Variants in DMGDH observed in about 807,000 individuals in gnomAD.
DMGDH encodes dimethylglycine dehydrogenase, mitochondrial.
A neutral mutation model predicts 95.2 loss-of-function variants in DMGDH; 76 were observed. The observed-to-expected ratio is 0.80, with a 90% confidence interval of 0.66 to 0.97. The LOEUF (loss-of-function observed/expected upper bound fraction) is 0.97, where lower values mean the gene tolerates loss of function less well. DMGDH is among the 50% of genes least tolerant of loss of function. DMGDH has a pLI of 0.00. For missense variants in DMGDH, 987 were observed against 1,055.0 expected (o/e 0.94, Z 0.89); for synonymous variants, 345 against 377.6 (o/e 0.91, Z 1.00).
intron 13 of DMGDH, among the ~76,000 whole-genome samples, chr5:79,026,188 A>C (rs1159643892): frequency 1.3e-5 from 2 of 152,224 alleles, no homozygotes; most frequent in Admixed American, 6.5e-5. Context: ...ACAGTTATCT[A>C]GGGCTGTCAG....
intron 15 of DMGDH, among the ~76,000 whole-genome samples, chr5:78,999,477 C>T (rs1561203787): frequency 6.6e-6 from 1 of 152,076 alleles, no homozygotes; most frequent in Non-Finnish European, 1.5e-5. Flanking sequence ...ACTACAGGCA[C>T]CCACCACCAC....
At chr5:79,032,052 A>T (rs1262412230) in intron 9 of DMGDH, among the ~76,000 whole-genome samples, 3 of 152,366 alleles carry the variant, frequency 2.0e-5, no homozygotes, top group African/African-American at 7.2e-5. Flanking sequence ...CTAAATTTGC[A>T]ACTTGTTTTC....
chr5:79,044,387 C>A lies in DMGDH; in HGVS notation c.911G>T (p.Arg304Met). ...LEGSYYLRQERDGLLFGPYES... is the reference protein window; with the variant it reads ...LEGSYYLRQEMDGLLFGPYES... ...ATATGGACCAAACAAAAGCCCATCC[C>A]TTTCCTGTCGGAGATAATATGATCC... is the stretch of plus-strand genomic sequence containing the variant. The change falls in exon 6 of 16, where the codon AGG (arginine) becomes ATG (methionine). Residue 304 changes from arginine (R) to methionine (M), a missense_variant. Arg to Met is a moderately conservative substitution (Grantham distance 91). Transcript: ENST00000255189. 6.2e-7 allele frequency: 1 copy of A among 1,614,168 alleles called. No homozygotes were observed. Among genetic ancestry groups the A allele is most frequent in the African/African-American group, 1.3e-5 (1 of 75,056 alleles).
At chr5:79,001,394 C>G (rs1753451344) in intron 15 of DMGDH, among the ~76,000 whole-genome samples, 1 of 152,196 alleles carries the variant, frequency 6.6e-6, no homozygotes, top group African/African-American at 2.4e-5. Flanking sequence ...AACTCCTGAA[C>G]TCAAGTGATC....
chr5:79,004,460 G>A (rs1753508666), intron 15 of DMGDH, among the ~76,000 whole-genome samples: 1 of 152,146 alleles, frequency 6.6e-6, no homozygotes, highest in African/African-American at 2.4e-5. Context: ...TAATGACCAA[G>A]CTGACCCTGT....
In DMGDH at chr5:78,997,854, C is replaced by T; in HGVS notation, c.*228G>A. On this transcript the variant is annotated 3_prime_UTR_variant, in exon 16 of 16. Transcript: ENST00000255189. ...GGGTAATGTGGGGTAAATAAAAAAA[C>T]ATTCATTTCAAATTTCTTCATTTAA... 1 of 557,406 alleles carries T rather than the reference C, an allele frequency of 1.8e-6. No individual in the cohort carries two copies. The highest frequency in any genetic ancestry group is 3.2e-5 in the Admixed American group (1 of 30,798). 34.5% of individuals were successfully genotyped at this position (557,406 alleles called of 1,614,324 possible).
chr5:79,042,298 AC>A lies in DMGDH; in HGVS notation c.1177del (p.Val393TrpfsTer3). The A allele has an allele frequency of 6.2e-7, 1 of 1,614,172 alleles. No individual in the cohort carries two copies. The highest frequency in any genetic ancestry group is 1.1e-5 in the South Asian group (1 of 91,084). Reference sequence around the variant, plus strand: ...AGATACTTACCCAAAGCCTATAGCCACCCAGTAGTTTCTGACCCCCTGATGG... The same window carrying A: ...AGATACTTACCCAAAGCCTATAGCCACCAGTAGTTTCTGACCCCCTGATGG... ...GPHQGVRNYW[V>X]AIGFGYGIIH... On this transcript the variant is annotated frameshift_variant, in exon 7 of 16. Transcript: ENST00000255189. LOFTEE classifies it high-confidence loss of function.
At chr5:78,999,508 T>C (rs1301833355) in intron 15 of DMGDH, among the ~76,000 whole-genome samples, 1 of 151,210 alleles carries the variant, frequency 6.6e-6, no homozygotes, top group East Asian at 1.9e-4. Context: ...TTTTTTTGTA[T>C]TTTTTTAGTA....
chr5:79,054,143 C>T (rs906249367), intron 4 of DMGDH, 41 bp downstream of exon 4: 1 of 1,606,094 alleles, frequency 6.2e-7, no homozygotes, highest in East Asian at 2.2e-5. Context: ...CTAATTTTTA[C>T]TTAAGTCAAC....
In DMGDH at chr5:79,005,296, C is replaced by G; in HGVS notation, c.2362G>C (p.Glu788Gln). ...ATDDVDPEGN[E>Q]SIWYNGKVVG... The stretch of plus-strand genomic sequence containing the variant: ...ACCTTGCCATTGTACCAGATGCTTT[C>G]ATTTCCCTCTGGATCAACATCATCC... The change falls in exon 15 of 16, where the codon GAA (glutamate) becomes CAA (glutamine). Residue 788 changes from glutamate (E) to glutamine (Q), a missense_variant. By Grantham distance (29) the Glu-to-Gln change is conservative. Coordinates refer to ENST00000255189, the MANE Select transcript of DMGDH (RefSeq NM_013391.3). 6.2e-7 allele frequency: 1 copy of G among 1,613,784 alleles called. No homozygotes were observed. Among genetic ancestry groups the G allele is most frequent in the Non-Finnish European group, 8.5e-7 (1 of 1,179,892 alleles).
rs150441092 is a variant in DMGDH, at chr5:79,027,899, T to C, written c.2032+534A>G. On this transcript the variant is annotated intron_variant, in intron 12 of 15. Transcript: ENST00000255189. ...TCTTGTTGCCCAGGCTGGAGTACAG[T>C]GGTGTCATCTTGGCTCATACAACCT... 5.2e-4 allele frequency among the ~76,000 whole-genome samples: 78 copies of C among 150,088 alleles called. No homozygotes were observed. The East Asian group carries it at 0.013, about 25-fold the overall frequency.
chr5:79,026,351 G>A (rs1357654792), intron 13 of DMGDH, 73 bp downstream of exon 13: 3 of 1,593,554 alleles, frequency 1.9e-6, no homozygotes, highest in Admixed American at 3.3e-5. Context: ...TGTTATTGCA[G>A]TTCAAACCAG....
chr5:79,004,205 G>A (rs975698376), intron 15 of DMGDH, among the ~76,000 whole-genome samples: 3 of 152,136 alleles, frequency 2.0e-5, no homozygotes, highest in African/African-American at 7.2e-5. Flanking sequence ...TCTGACAGGT[G>A]TGCTGCAAAG....
chr5:79,017,116 T>C (rs1203071689), intron 14 of DMGDH, among the ~76,000 whole-genome samples: 2 of 152,220 alleles, frequency 1.3e-5, no homozygotes, highest in East Asian at 3.9e-4. Flanking sequence ...CAGAAAATCT[T>C]TATGACTTTG....
chr5:79,025,722 CAG>C (rs1753982507), intron 13 of DMGDH, among the ~76,000 whole-genome samples: 1 of 152,164 alleles, frequency 6.6e-6, no homozygotes, highest in Non-Finnish European at 1.5e-5. Context: ...TCTAAAACCT[CAG>C]TGTCTTCCAA....
intron 3 of DMGDH, 77 bp from the exon 4 acceptor site, chr5:79,054,425 T>C: frequency 7.1e-7 from 1 of 1,399,630 alleles, no homozygotes; most frequent in Non-Finnish European, 1.0e-6. Context: ...TCCAGTATAA[T>C]GAAAATGCAG....
chr5:79,010,546 G>A (rs1753631068), intron 14 of DMGDH, among the ~76,000 whole-genome samples: 1 of 152,138 alleles, frequency 6.6e-6, no homozygotes, highest in South Asian at 2.1e-4. Flanking sequence ...TACAATTGGT[G>A]ATGATGGAAT....
intron 11 of DMGDH, among the ~76,000 whole-genome samples, chr5:79,029,351 A>G (rs1295438744): frequency 6.6e-6 from 1 of 152,236 alleles, no homozygotes; most frequent in African/African-American, 2.4e-5. Flanking sequence ...TATTCCAAAA[A>G]TATTTGGAAT....
chr5:79,053,707 T>G (rs552797350), intron 4 of DMGDH, among the ~76,000 whole-genome samples: 2 of 152,342 alleles, frequency 1.3e-5, no homozygotes, highest in East Asian at 3.9e-4. Context: ...AAATGTGGTA[T>G]AAATCTAGAT....
Sources: gnomAD v4.1 joint callset for allele counts (sites outside exome capture counted in the v4.1 genomes callset) on GRCh38, gnomAD v4.1.1 for gene constraint, MANE v1.5 for transcripts, NCBI Gene and HGNC (gene_info 2026-07-23, HGNC 2026-07-21) for gene names.